The following ZNF804B variants were observed in gnomAD, a reference collection of about 807,000 sequenced individuals.
ZNF804B encodes zinc finger protein 804B, also known as zinc finger 804B.
Under a neutral mutation model 101.4 loss-of-function variants are expected in ZNF804B, and 80 were observed. The observed-to-expected ratio is 0.79, with a 90% confidence interval of 0.66 to 0.95. ZNF804B has a LOEUF of 0.95. Ranked by LOEUF, ZNF804B falls within the 40% of genes least tolerant of loss-of-function variation. The pLI, the probability that ZNF804B is intolerant of heterozygous loss-of-function variation, is 0.00. For synonymous variants in ZNF804B, 622 were observed against 558.8 expected (o/e 1.11, Z -1.59); for missense variants, 1,673 against 1,561.9 (o/e 1.07, Z -1.20).
intron 1 of ZNF804B, among the ~76,000 whole-genome samples, chr7:88,964,040 G>A (rs529958202): frequency 1.3e-5 from 2 of 151,420 alleles, no homozygotes; most frequent in African/African-American, 2.4e-5. Context: ...ACAAGTGTTG[G>A]CAAGGATGTG....
At chr7:88,882,616 T>A (rs1352796931) in intron 1 of ZNF804B, among the ~76,000 whole-genome samples, 1 of 152,018 alleles carries the variant, frequency 6.6e-6, no homozygotes, top group Non-Finnish European at 1.5e-5. Flanking sequence ...AGACAAGAAA[T>A]CAACCCAGGT....
intron 1 of ZNF804B, among the ~76,000 whole-genome samples, chr7:89,129,241 T>G (rs994808331): frequency 2.6e-5 from 4 of 152,036 alleles, no homozygotes; most frequent in African/African-American, 9.7e-5. Context: ...ACCTTATATA[T>G]TCAATACATT....
At chr7:88,869,291 A>G (rs1791780607) in intron 1 of ZNF804B, among the ~76,000 whole-genome samples, 1 of 152,186 alleles carries the variant, frequency 6.6e-6, no homozygotes, top group Non-Finnish European at 1.5e-5. Flanking sequence ...TCTTTCTTCC[A>G]GTCCTTTGTA....
chr7:88,892,302 C>T lies in ZNF804B; in HGVS notation c.108+132218C>T, dbSNP rs534667402. On this transcript the variant is annotated intron_variant, in intron 1 of 3. Transcript: ENST00000333190. The stretch of plus-strand genomic sequence containing the variant: ...CTTGAAGTATAGAAGTTATGTGGTG[C>T]TTTAGGGAGTATTTGTTTTTTGGGT... Among the ~76,000 whole-genome samples, 8 of 152,034 alleles carry T rather than the reference C, an allele frequency of 5.3e-5. 1 individual carries two copies. In the South Asian group the frequency reaches 1.7e-3, roughly 32 times the overall value.
intron 1 of ZNF804B, among the ~76,000 whole-genome samples, chr7:89,129,399 C>A (rs1321046082): frequency 6.6e-6 from 1 of 151,962 alleles, no homozygotes; most frequent in African/African-American, 2.4e-5. Context: ...ATTTACATTT[C>A]TTTAAACCAC....
intron 1 of ZNF804B, among the ~76,000 whole-genome samples, chr7:89,078,459 ATTC>A (rs35203291): frequency 0.24 from 36,256 of 151,718 alleles, 5,174 homozygotes; most frequent in Non-Finnish European, 0.31. Flanking sequence ...AGAAAATAAA[ATTC>A]TTCTTCATTT....
chr7:88,926,112 A>G (rs1792793055), intron 1 of ZNF804B, among the ~76,000 whole-genome samples: 1 of 152,120 alleles, frequency 6.6e-6, no homozygotes, highest in Non-Finnish European at 1.5e-5. Flanking sequence ...TACTGTGACT[A>G]TGGAAATATG....
At chr7:88,972,096 T>C (rs2116113707) in intron 1 of ZNF804B, among the ~76,000 whole-genome samples, 1 of 151,706 alleles carries the variant, frequency 6.6e-6, no homozygotes, top group South Asian at 2.1e-4. Context: ...AAAGTCTTTA[T>C]TGAGAAGCCA....
At chr7:89,070,499 G>A (rs966199858) in intron 1 of ZNF804B, among the ~76,000 whole-genome samples, 3 of 152,176 alleles carry the variant, frequency 2.0e-5, no homozygotes, top group African/African-American at 7.2e-5. Context: ...TCAGGCTGCT[G>A]TCTGCTAATA....
chr7:88,819,789 G>A (rs1034067772), intron 1 of ZNF804B, among the ~76,000 whole-genome samples: 2 of 152,018 alleles, frequency 1.3e-5, no homozygotes, highest in Non-Finnish European at 2.9e-5. Flanking sequence ...AAAAAATTTA[G>A]CGCAATTATT....
intron 2 of ZNF804B, among the ~76,000 whole-genome samples, chr7:89,223,329 A>T (rs1008595): frequency 0.71 from 107,906 of 151,702 alleles, 39,046 homozygotes; most frequent in African/African-American, 0.77. Context: ...GAAATAATCT[A>T]TGAATACTCT....
At chr7:89,107,766 A>G (rs1023482546) in intron 1 of ZNF804B, among the ~76,000 whole-genome samples, 11 of 152,168 alleles carry the variant, frequency 7.2e-5, no homozygotes, top group African/African-American at 2.4e-4. Context: ...TGTCTCAGAC[A>G]TAATCCATAC....
Position 89,237,281 on chromosome 7 carries a change from C to T in ZNF804B, c.249+18986C>T, listed in dbSNP as rs147678511. 3.6e-3 allele frequency among the ~76,000 whole-genome samples: 549 copies of T among 152,142 alleles called. 7 individuals carry two copies. The highest frequency in any genetic ancestry group is 0.012 in the African/African-American group (510 of 41,514). ...GGTTGACTCATTACTGTGGAAATAGCCTGATACAGTGAAAAGGCCATGTTT... is the reference window on the plus strand; with the variant it reads ...GGTTGACTCATTACTGTGGAAATAGTCTGATACAGTGAAAAGGCCATGTTT... On this transcript the variant is annotated intron_variant, in intron 2 of 3. Transcript: ENST00000333190.
At chr7:88,854,527 T>TTTCCTTTCCTTTCCTTCCCTTCCC (rs1791519535) in intron 1 of ZNF804B, among the ~76,000 whole-genome samples, 5 of 40,074 alleles carry the variant, frequency 1.2e-4, no homozygotes, top group African/African-American at 2.1e-4. Context: ...CTTTCCTTCC[T>TTTCCTTTCCTTTCCTTCCCTTCCC]TTCCTTCCTT....
chr7:89,116,580 A>G (rs17397516), intron 1 of ZNF804B, among the ~76,000 whole-genome samples: 14,478 of 152,242 alleles, frequency 0.095, 752 homozygotes, highest in Middle Eastern at 0.14. Context: ...TAAAGGTTCA[A>G]ATATTAAGCT....
In ZNF804B at chr7:88,759,932, T is replaced by A. The variant is rs747020132; in HGVS notation, c.-45T>A. On this transcript the variant is annotated 5_prime_UTR_variant, in exon 1 of 4. Coordinates refer to ENST00000333190, the MANE Select transcript of ZNF804B (RefSeq NM_181646.5). ...AAACCCGCCCGCTTTCCACGGCTGG[T>A]CGCCTGGTGAGGAGTTGAGACTCTG... 6.4e-7 allele frequency: 1 copy of A among 1,554,004 alleles called. No individual in the cohort carries two copies. The highest frequency in any genetic ancestry group is 8.9e-7 in the Non-Finnish European group (1 of 1,127,584).
chr7:89,323,265 T>C (rs1314045534), intron 2 of ZNF804B, among the ~76,000 whole-genome samples: 2 of 152,206 alleles, frequency 1.3e-5, no homozygotes, highest in Non-Finnish European at 2.9e-5. Context: ...ACCCAGTCTG[T>C]GGTATTCTAT....
chr7:89,162,717 A>G (rs1791085551), intron 1 of ZNF804B, among the ~76,000 whole-genome samples: 2 of 150,816 alleles, frequency 1.3e-5, no homozygotes, highest in Admixed American at 1.3e-4. Context: ...GGTTAGTTAC[A>G]TATGTATACA....
intron 1 of ZNF804B, among the ~76,000 whole-genome samples, chr7:88,825,388 C>T (rs182584113): frequency 6.6e-6 from 1 of 152,008 alleles, no homozygotes; most frequent in East Asian, 1.9e-4. Context: ...CCATAGGTCA[C>T]TAGTCTCTGA....
Sources: gnomAD v4.1 joint callset for allele counts (sites outside exome capture counted in the v4.1 genomes callset) on GRCh38, gnomAD v4.1.1 for gene constraint, MANE v1.5 for transcripts, NCBI Gene and HGNC (gene_info 2026-07-23, HGNC 2026-07-21) for gene names.